GALNT13: variants seen among roughly 807,000 people sequenced by gnomAD.
GALNT13 encodes polypeptide N-acetylgalactosaminyltransferase 13.
In GALNT13, 28 loss-of-function variants were observed where a neutral mutation model predicts 64.2. That is an observed-to-expected ratio of 0.44 (90% CI 0.32 to 0.60). The LOEUF (loss-of-function observed/expected upper bound fraction) is 0.60. Ranked by LOEUF, GALNT13 falls within the 20% of genes least tolerant of loss-of-function variation. The pLI, the probability that GALNT13 is intolerant of heterozygous loss-of-function variation, is 0.05. For missense variants in GALNT13, 577 were observed against 669.8 expected (o/e 0.86, Z 1.53); for synonymous variants, 214 against 224.6 (o/e 0.95, Z 0.42).
intron 3 of GALNT13, among the ~76,000 whole-genome samples, chr2:153,988,077 C>T (rs903012261): frequency 1.8e-4 from 27 of 149,548 alleles, no homozygotes; most frequent in Non-Finnish European, 2.5e-4. Flanking sequence ...TATATATACA[C>T]ACACACACAC....
chr2:153,956,090 C>A (rs1444327738), intron 3 of GALNT13, among the ~76,000 whole-genome samples: 2 of 152,196 alleles, frequency 1.3e-5, no homozygotes, highest in Non-Finnish European at 2.9e-5. Flanking sequence ...TAAGCAAAAA[C>A]CAAAAGCCAA....
intron 9 of GALNT13, among the ~76,000 whole-genome samples, chr2:154,368,997 AGTT>A (rs60292131): frequency 5.3e-5 from 8 of 150,772 alleles, no homozygotes; most frequent in South Asian, 2.1e-4. Flanking sequence ...GAAGACACCG[AGTT>A]GTTGTTGTTG....
chr2:153,590,974 C>T, the GALNT13 span, among the ~76,000 whole-genome samples: 1 of 150,722 alleles, frequency 6.6e-6, no homozygotes, highest in African/African-American at 2.4e-5. Flanking sequence ...CCAGAGAAAT[C>T]AGGTAAGGAA....
intron 3 of GALNT13, among the ~76,000 whole-genome samples, chr2:154,012,574 G>T (rs895964849): frequency 6.6e-6 from 1 of 152,104 alleles, no homozygotes; most frequent in Non-Finnish European, 1.5e-5. Context: ...GTATCGTGCA[G>T]GGGTTCTCTG....
the GALNT13 span, among the ~76,000 whole-genome samples, chr2:153,740,037 G>A: frequency 2.0e-5 from 3 of 151,934 alleles, no homozygotes; most frequent in African/African-American, 7.2e-5. Flanking sequence ...CAAATTTTCT[G>A]TGTGATCTTG....
intron 9 of GALNT13, among the ~76,000 whole-genome samples, chr2:154,306,224 C>T (rs1483411759): frequency 6.6e-6 from 1 of 151,924 alleles, no homozygotes; most frequent in Non-Finnish European, 1.5e-5. Context: ...CATAGGTATA[C>T]ACGTGCCATG....
intron 4 of GALNT13, among the ~76,000 whole-genome samples, chr2:154,190,211 T>A (rs1025327314): frequency 6.6e-6 from 1 of 152,160 alleles, no homozygotes; most frequent in Non-Finnish European, 1.5e-5. Flanking sequence ...TGGAGAGCAA[T>A]CCCCTTTGCC....
chr2:153,347,373 T>G, the GALNT13 span, among the ~76,000 whole-genome samples: 4 of 152,310 alleles, frequency 2.6e-5, no homozygotes, highest in Admixed American at 2.6e-4. Context: ...GCTCCAAGTC[T>G]TTGGTGCACA....
At chr2:154,326,409 C>T (rs980160233) in intron 9 of GALNT13, among the ~76,000 whole-genome samples, 2 of 151,022 alleles carry the variant, frequency 1.3e-5, no homozygotes, top group Non-Finnish European at 2.9e-5. Flanking sequence ...TTTCATGTGA[C>T]ATTTGATACT....
At chr2:154,284,538 C>G (rs1559067365) in intron 8 of GALNT13, among the ~76,000 whole-genome samples, 1 of 151,970 alleles carries the variant, frequency 6.6e-6, no homozygotes, top group East Asian at 1.9e-4. Flanking sequence ...CACACACACA[C>G]ACACACACAC....
At chr2:153,864,828 C>T in the GALNT13 span, among the ~76,000 whole-genome samples, 2 of 148,414 alleles carry the variant, frequency 1.3e-5, no homozygotes, top group Non-Finnish European at 3.0e-5. Flanking sequence ...TCATATGGAA[C>T]CAAAAAAGAG....
intron 9 of GALNT13, among the ~76,000 whole-genome samples, chr2:154,307,157 A>G (rs1409802626): frequency 6.6e-6 from 1 of 152,120 alleles, no homozygotes; most frequent in East Asian, 1.9e-4. Context: ...TGAGTTTTCC[A>G]TAGGAAAAGA....
chr2:154,092,075 GA>G (rs58406719), intron 3 of GALNT13, among the ~76,000 whole-genome samples: 19,246 of 73,564 alleles, frequency 0.26, 1,539 homozygotes, highest in African/African-American at 0.33. Context: ...TTCATGTCTG[GA>G]AAAAAAAAAA....
At chr2:153,661,271 T>C in the GALNT13 span, among the ~76,000 whole-genome samples, 1 of 152,018 alleles carries the variant, frequency 6.6e-6, no homozygotes, top group Non-Finnish European at 1.5e-5. Context: ...GTTCACCTAA[T>C]GATATATAAA....
At chr2:153,451,434 C>G in the GALNT13 span, among the ~76,000 whole-genome samples, 1 of 151,974 alleles carries the variant, frequency 6.6e-6, no homozygotes, top group Non-Finnish European at 1.5e-5. Flanking sequence ...AGTATGAGTG[C>G]CTTCATCACC....
At chr2:154,075,593 A>G (rs1700947417) in intron 3 of GALNT13, among the ~76,000 whole-genome samples, 1 of 151,802 alleles carries the variant, frequency 6.6e-6, no homozygotes, top group African/African-American at 2.4e-5. Context: ...TGATGTAGCA[A>G]TGTACACTCT....
At chr2:154,066,130 C>A (rs879153096) in intron 3 of GALNT13, among the ~76,000 whole-genome samples, 1 of 152,050 alleles carries the variant, frequency 6.6e-6, no homozygotes, top group Non-Finnish European at 1.5e-5. Context: ...GATCAAACAG[C>A]AGAAACAATT....
the GALNT13 span, among the ~76,000 whole-genome samples, chr2:153,730,988 G>C: frequency 0.51 from 76,782 of 151,596 alleles, 23,364 homozygotes; most frequent in Non-Finnish European, 0.68. Context: ...ATTTATTGCA[G>C]TACTATTCTC....
chr2:154,127,855 TA>T (rs1335540254), intron 3 of GALNT13, among the ~76,000 whole-genome samples: 2 of 151,658 alleles, frequency 1.3e-5, no homozygotes, highest in Non-Finnish European at 1.5e-5. Flanking sequence ...CATATATGTA[TA>T]TACATAAACA....
Sources: gnomAD v4.1 joint callset for allele counts (sites outside exome capture counted in the v4.1 genomes callset) on GRCh38, gnomAD v4.1.1 for gene constraint, MANE v1.5 for transcripts, NCBI Gene and HGNC (gene_info 2026-07-23, HGNC 2026-07-21) for gene names.